Variants in TRIM67 observed in about 807,000 individuals in gnomAD.
TRIM67 encodes the protein tripartite motif containing 67.
A neutral mutation model predicts 71.0 loss-of-function variants in TRIM67; 39 were observed. The observed-to-expected ratio is 0.55, with a 90% CI of 0.43 to 0.72. The LOEUF (loss-of-function observed/expected upper bound fraction) is 0.72, where lower values mean the gene tolerates loss of function less well. Ranked by LOEUF, TRIM67 falls within the 30% of genes least tolerant of loss-of-function variation. TRIM67 has a pLI of 0.00. For missense variants in TRIM67, 973 were observed against 1,079.2 expected (o/e 0.90, Z 1.38); for synonymous variants, 481 against 473.9 (o/e 1.01, Z -0.19).
intron 1 of TRIM67, among the ~76,000 whole-genome samples, chr1:231,180,897 C>T (rs535862517): frequency 5.3e-5 from 8 of 152,314 alleles, no homozygotes; most frequent in African/African-American, 1.9e-4. Flanking sequence ...GGCCCTCTAA[C>T]TTGCTTGGGT....
rs189165048 is a variant in TRIM67, at chr1:231,190,246, G to A, written c.1045-7125G>A. Among the ~76,000 whole-genome samples, 257 of 152,298 alleles carry A rather than the reference G, an allele frequency of 1.7e-3. 2 individuals carry two copies. Among genetic ancestry groups the A allele is most frequent in the Admixed American group, 3.5e-3 (53 of 15,304 alleles). On this transcript the variant is annotated intron_variant, in intron 1 of 9. Transcript: ENST00000366653. Reference sequence around the variant, plus strand: ...AGATCTAGTCTGTGTTGACAGAGTCGTGGCAGCAGGCTCCATGTAGGGGTT... The same window carrying A: ...AGATCTAGTCTGTGTTGACAGAGTCATGGCAGCAGGCTCCATGTAGGGGTT...
In TRIM67 at chr1:231,219,100, T is replaced by G. The variant is rs1268933575; in HGVS notation, c.*3660T>G. On this transcript the variant is annotated 3_prime_UTR_variant, in exon 10 of 10. Transcript: ENST00000366653. ...TGGCCACCTGCTGGCTTTGAGGTAG[T>G]GAGGGAGGGTCAATCCTTAGGGGGA... The G allele has an allele frequency of 1.4e-5, 14 of 985,302 alleles. No homozygotes were observed. Among genetic ancestry groups the G allele is most frequent in the Non-Finnish European group, 1.7e-5 (14 of 830,012 alleles). The allele number at this position is 985,302 out of a possible 1,614,324, so 61.0% of individuals were successfully genotyped here. A position where few individuals can be genotyped will look rare whatever the true frequency, so the allele number is the denominator to read the frequency against.
At chr1:231,168,966 A>G (rs1682549456) in intron 1 of TRIM67, among the ~76,000 whole-genome samples, 1 of 152,238 alleles carries the variant, frequency 6.6e-6, no homozygotes, top group Admixed American at 6.5e-5. Context: ...GAGTGTTTGG[A>G]GTCCAAACTG....
At chr1:231,185,832 C>T (rs1269686544) in intron 1 of TRIM67, among the ~76,000 whole-genome samples, 1 of 151,794 alleles carries the variant, frequency 6.6e-6, no homozygotes, top group Non-Finnish European at 1.5e-5. Context: ...GATGGCAGAA[C>T]AGAGATGAAC....
intron 1 of TRIM67, among the ~76,000 whole-genome samples, chr1:231,174,668 C>T (rs547886081): frequency 7.2e-5 from 11 of 152,234 alleles, no homozygotes; most frequent in Admixed American, 4.6e-4. Context: ...CAGTCTGTCC[C>T]GTCTAATGCT....
chr1:231,185,163 C>G (rs138028292), intron 1 of TRIM67: 17 of 1,532,790 alleles, frequency 1.1e-5, no homozygotes, highest in Admixed American at 9.8e-5. Flanking sequence ...AGCCAGCCAG[C>G]CTGTACTCCA....
chr1:231,163,454 G>T lies in TRIM67; in HGVS notation c.485G>T (p.Cys162Phe). The T allele has an allele frequency of 6.5e-7, 1 of 1,539,478 alleles. No individual in the cohort carries two copies. ...TCGAGCTCCATCACGTGCCCGCAGT[G>T]CCACCGCAGCGCATCCCTGGACCAC... ...SSSSSITCPQ[C>F]HRSASLDHRG... is the part of the protein sequence containing the mutation. Residue 162 changes from cysteine to phenylalanine, a missense_variant, in exon 1 of 10, where the codon TGC (cysteine) becomes TTC (phenylalanine). Around this residue, in one of 2 missense-constraint regions of TRIM67, gnomAD observed 795 missense variants for 831.3 expected, o/e 0.96. Coordinates refer to ENST00000366653, the MANE Select transcript of TRIM67 (RefSeq NM_001004342.5).
At chr1:231,164,494 C>G (rs749122346) in intron 1 of TRIM67, among the ~76,000 whole-genome samples, 1 of 152,138 alleles carries the variant, frequency 6.6e-6, no homozygotes. Context: ...TGATCAGACC[C>G]CAAGTCAAGA....
intron 1 of TRIM67, among the ~76,000 whole-genome samples, chr1:231,193,294 C>T (rs1683281333): frequency 6.6e-6 from 1 of 152,182 alleles, no homozygotes; most frequent in Non-Finnish European, 1.5e-5. Context: ...AAAGTCTCTC[C>T]ACTGAGGACT....
rs748778482 is a variant in TRIM67, at chr1:231,214,778, C to CAA, written c.2287-574_2287-573dup. On this transcript the variant is annotated intron_variant, in intron 9 of 9. Transcript: ENST00000366653. ...TGGGTGATAGAGCGAGACTTCATCT[C>CAA]AAAAAAAAAAAAAAAAAAAAAAAAG... Among the ~76,000 whole-genome samples the CAA allele has an allele frequency of 4.7e-3, 204 of 43,404 alleles. 2 individuals are homozygous for CAA. The East Asian group carries it at 0.048, about 10-fold the overall frequency. 28.5% of individuals were successfully genotyped at this position (43,404 alleles called of 152,430 possible). A position where few individuals can be genotyped will look rare whatever the true frequency, so the allele number is the denominator to read the frequency against.
intron 1 of TRIM67, among the ~76,000 whole-genome samples, chr1:231,178,904 G>A (rs1421890774): frequency 6.6e-6 from 1 of 152,162 alleles, no homozygotes; most frequent in East Asian, 1.9e-4. Context: ...CTGAAAATAT[G>A]AGAAATTTGG....
Position 231,217,998 on chromosome 1 carries a change from T to TA in TRIM67, c.*2559dup. ...GACTCCTCCAGGAGCCCAGAAGCAA[T>TA]ACGGCCGATGCCAGGGACAGCATCC... On this transcript the variant is annotated 3_prime_UTR_variant, in exon 10 of 10. Transcript: ENST00000366653. 1 of 1,207,836 alleles carries TA rather than the reference T, an allele frequency of 8.3e-7. No homozygotes were observed. The highest frequency in any genetic ancestry group is 1.5e-5 in the South Asian group (1 of 67,484). 74.8% of individuals were successfully genotyped at this position (1,207,836 alleles called of 1,614,324 possible).
At chr1:231,193,075 C>T (rs573350615) in intron 1 of TRIM67, among the ~76,000 whole-genome samples, 2 of 152,320 alleles carry the variant, frequency 1.3e-5, no homozygotes, top group Middle Eastern at 3.4e-3. Context: ...GCAGATGGTG[C>T]GTGACCCTAA....
chr1:231,184,850 C>T, intron 1 of TRIM67: 2 of 645,126 alleles, frequency 3.1e-6, no homozygotes, highest in Admixed American at 2.9e-5. Context: ...GGTATCATCA[C>T]CCCAATTCAC....
rs1016576518 is a variant in TRIM67, at chr1:231,219,165, G to A, written c.*3725G>A. The A allele has an allele frequency of 2.2e-5, 22 of 985,426 alleles. No individual in the cohort carries two copies. In the African/African-American group the frequency reaches 2.4e-4, roughly 11 times the overall value. The allele number at this position is 985,426 out of a possible 1,614,324, so 61.0% of individuals were successfully genotyped here. Reference sequence around the variant, plus strand: ...GCTAAAGAACACTGCTGCACAGCCCGTGGGGTGGCGCCAGGGTTTCTCAAC... The same window carrying A: ...GCTAAAGAACACTGCTGCACAGCCCATGGGGTGGCGCCAGGGTTTCTCAAC... On this transcript the variant is annotated 3_prime_UTR_variant, in exon 10 of 10. Transcript: ENST00000366653.
At chr1:231,176,906 C>CAAAAA (rs56115614) in intron 1 of TRIM67, among the ~76,000 whole-genome samples, 61 of 74,398 alleles carry the variant, frequency 8.2e-4, no homozygotes, top group East Asian at 6.2e-3. Context: ...TACAATCTGG[C>CAAAAA]AAAAAAAAAA....
At position 231,209,060 on chromosome 1, in the gene TRIM67, G is replaced by T; in HGVS notation, c.1933G>T (p.Ala645Ser). ...YDDRVVLGTA[A>S]FSKGVHYWEL... Reference sequence around the variant, plus strand: ...CGACCGGGTGGTGCTGGGCACAGCTGCGTTCTCCAAGGGCGTGCACTACTG... The same window carrying T: ...CGACCGGGTGGTGCTGGGCACAGCTTCGTTCTCCAAGGGCGTGCACTACTG... Residue 645 changes from alanine to serine, a missense_variant, in exon 8 of 10, where the codon GCG becomes TCG. This residue lies in a region of TRIM67 where 178 missense variants were observed against 247.9 expected (regional missense o/e 0.72). Transcript: ENST00000366653. The surrounding 1 kb of genome is among the most constrained non-coding windows in gnomAD (Gnocchi z 4.1). 6.2e-7 allele frequency: 1 copy of T among 1,613,936 alleles called. No individual in the cohort carries two copies. Among genetic ancestry groups the T allele is most frequent in the Non-Finnish European group, 8.5e-7 (1 of 1,179,844 alleles).
chr1:231,217,171 G>A lies in TRIM67; in HGVS notation c.*1731G>A. ...AAAGCTCATGCTCTTGGTCTGCAAGGCTGCTTGGTCCGCTGTCTCTGCAGA... is the reference window on the plus strand; with the variant it reads ...AAAGCTCATGCTCTTGGTCTGCAAGACTGCTTGGTCCGCTGTCTCTGCAGA... On this transcript the variant is annotated 3_prime_UTR_variant, in exon 10 of 10. Transcript: ENST00000366653. The A allele has an allele frequency of 1.0e-6, 1 of 985,978 alleles. No individual in the cohort carries two copies. The highest frequency in any genetic ancestry group is 4.7e-5 in the South Asian group (1 of 21,284). 61.1% of individuals were successfully genotyped at this position (985,978 alleles called of 1,614,324 possible).
intron 1 of TRIM67, among the ~76,000 whole-genome samples, chr1:231,185,566 A>G (rs9431954): frequency 0.25 from 38,127 of 151,578 alleles, 6,703 homozygotes; most frequent in African/African-American, 0.48. Context: ...GGGCTGCAGC[A>G]CTGGGACCTT....
Sources: gnomAD v4.1 joint callset for allele counts (sites outside exome capture counted in the v4.1 genomes callset) on GRCh38, gnomAD v4.1.1 for gene constraint, gnomAD v4.1.1 regional missense constraint, Gnocchi (gnomAD v3.1) non-coding constraint, MANE v1.5 for transcripts, NCBI Gene and HGNC (gene_info 2026-07-23, HGNC 2026-07-21) for gene names.